GHR: variants seen among roughly 807,000 people sequenced by gnomAD.
The protein encoded by GHR is growth hormone receptor.
A neutral mutation model predicts 67.1 loss-of-function variants in GHR; 35 were observed. That is an observed-to-expected ratio of 0.52 (90% CI 0.40 to 0.69). The LOEUF is 0.69. Among genes scored for constraint, GHR ranks in the 30% least tolerant of loss-of-function variants. The probability of loss-of-function intolerance (pLI) is 0.00; values close to 1 mark genes in which losing one functional copy is unlikely to be tolerated. For missense variants in GHR, 792 were observed against 764.6 expected (o/e 1.04, Z -0.42); for synonymous variants, 272 against 269.1 (o/e 1.01, Z -0.10).
intron 7 of GHR, 87 bp downstream of exon 7, chr5:42,711,459 T>C (rs1561249352): frequency 2.2e-6 from 2 of 911,550 alleles, no homozygotes; most frequent in Admixed American, 1.7e-5. Flanking sequence ...TAGTGTGTTG[T>C]CCAAATCAAA....
intron 3 of GHR, among the ~76,000 whole-genome samples, chr5:42,661,160 A>G (rs1755593052): frequency 6.6e-6 from 1 of 152,218 alleles, no homozygotes; most frequent in Non-Finnish European, 1.5e-5. Flanking sequence ...GGAGAATGGA[A>G]CCAAGTTGGA....
intron 1 of GHR, among the ~76,000 whole-genome samples, chr5:42,479,091 T>G (rs974840998): frequency 6.6e-6 from 1 of 152,218 alleles, no homozygotes; most frequent in African/African-American, 2.4e-5. Flanking sequence ...GTTTTTAGCA[T>G]GAAGCATTGT....
intron 1 of GHR, among the ~76,000 whole-genome samples, chr5:42,434,686 A>C (rs138719236): frequency 3.9e-5 from 6 of 152,290 alleles, no homozygotes; most frequent in African/African-American, 1.4e-4. Flanking sequence ...TGCCATTTTT[A>C]TAGAAGGATG....
chr5:42,572,390 A>G (rs751152725), intron 2 of GHR, among the ~76,000 whole-genome samples: 1 of 152,178 alleles, frequency 6.6e-6, no homozygotes, highest in Non-Finnish European at 1.5e-5. Flanking sequence ...ACTCACATGG[A>G]TTGTTAAATA....
At chr5:42,503,459 T>A (rs1041465996) in intron 1 of GHR, among the ~76,000 whole-genome samples, 2 of 152,200 alleles carry the variant, frequency 1.3e-5, no homozygotes, top group Admixed American at 6.5e-5. Context: ...ATGTGATATT[T>A]TTACCTAAAC....
At chr5:42,538,620 T>A (rs1419905294) in intron 1 of GHR, among the ~76,000 whole-genome samples, 1 of 152,200 alleles carries the variant, frequency 6.6e-6, no homozygotes, top group South Asian at 2.1e-4. Context: ...CTTTCTTTTG[T>A]CTTAACTTTA....
intron 3 of GHR, among the ~76,000 whole-genome samples, chr5:42,644,010 G>A (rs534668519): frequency 5.9e-5 from 9 of 152,010 alleles, no homozygotes; most frequent in African/African-American, 1.9e-4. Flanking sequence ...TTAAAAGTAG[G>A]CATATTCTAG....
At position 42,676,938 on chromosome 5, in the gene GHR, A is replaced by G. The variant is rs1325893149; in HGVS notation, c.137-11952A>G. On this transcript the variant is annotated intron_variant, in intron 3 of 9. Coordinates refer to ENST00000230882, the MANE Select transcript of GHR (RefSeq NM_000163.5). ...TTCCTTCCTCTCAACCTAAGTGTTT[A>G]TGTAAGCCTGCTGGGGGCCAGGAAC... 2.0e-5 allele frequency among the ~76,000 whole-genome samples: 3 copies of G among 152,132 alleles called. No homozygotes were observed. In the East Asian group the frequency reaches 5.8e-4, roughly 29 times the overall value.
At chr5:42,467,914 A>G in intron 1 of GHR, 3 of 751,190 alleles carry the variant, frequency 4.0e-6, no homozygotes, top group Non-Finnish European at 6.9e-6. Context: ...TGAAGCTTTC[A>G]GGTAAGTGAC....
intron 1 of GHR, among the ~76,000 whole-genome samples, chr5:42,478,746 CTT>C (rs1306878669): frequency 1.3e-5 from 2 of 152,146 alleles, no homozygotes; most frequent in African/African-American, 4.8e-5. Context: ...TATCCTGAGA[CTT>C]TGCTGAAGTT....
chr5:42,650,165 G>A (rs1340275563), intron 3 of GHR, among the ~76,000 whole-genome samples: 2 of 152,040 alleles, frequency 1.3e-5, no homozygotes, highest in African/African-American at 4.8e-5. Flanking sequence ...AATCTACTGA[G>A]GGCTCTTGTC....
At chr5:42,650,219 G>A (rs922901744) in intron 3 of GHR, among the ~76,000 whole-genome samples, 1 of 152,082 alleles carries the variant, frequency 6.6e-6, no homozygotes, top group Admixed American at 6.6e-5. Context: ...TCACATAAGA[G>A]GGCACATAAA....
chr5:42,465,617 G>GT (rs1744692415), intron 1 of GHR: 1 of 1,022,126 alleles, frequency 9.8e-7, no homozygotes, highest in African/African-American at 1.7e-5. Flanking sequence ...GGGGGACTCT[G>GT]TTAATTCATC....
At position 42,605,090 on chromosome 5, in the gene GHR, CTTTTTTTTTTTTTTTT is replaced by C. The variant is rs57499086; in HGVS notation, c.71-23939_71-23924del. ...ACTTGACCAGAGATTTGTGGTGCCT[CTTTTTTTTTTTTTTTT>C]TTTTTTTTGAGACAGAGTTTCACTC... On this transcript the variant is annotated intron_variant, in intron 2 of 9. Coordinates refer to ENST00000230882, the MANE Select transcript of GHR (RefSeq NM_000163.5). Among the ~76,000 whole-genome samples the C allele has an allele frequency of 1.4e-4, 13 of 90,078 alleles. No homozygotes were observed. The East Asian group carries it at 2.3e-3, about 16-fold the overall frequency. The allele number at this position is 90,078 out of a possible 152,430, so 59.1% of individuals were successfully genotyped here. A position where few individuals can be genotyped will look rare whatever the true frequency, so the allele number is the denominator to read the frequency against.
At chr5:42,698,219 A>T (rs1405767717) in intron 5 of GHR, among the ~76,000 whole-genome samples, 3 of 152,172 alleles carry the variant, frequency 2.0e-5, no homozygotes, top group South Asian at 2.1e-4. Context: ...AGGAGAGGTC[A>T]TTATTATGCC....
chr5:42,703,811 G>A lies in GHR; in HGVS notation c.618+3809G>A, dbSNP rs151178650. ...TTATTTTTATTTTTATAGATATTGT[G>A]AAAGGGATTTCTTTATTTCTTTCTC... On this transcript the variant is annotated intron_variant, in intron 6 of 9. Coordinates refer to ENST00000230882, the MANE Select transcript of GHR (RefSeq NM_000163.5). Among the ~76,000 whole-genome samples, 131 of 151,826 alleles carry A rather than the reference G, an allele frequency of 8.6e-4. 4 individuals carry two copies. Among genetic ancestry groups the A allele is most frequent in the African/African-American group, 3.1e-3 (129 of 41,492 alleles).
intron 1 of GHR, chr5:42,465,351 C>T (rs1744679264): frequency 2.4e-6 from 2 of 825,302 alleles, no homozygotes; most frequent in Non-Finnish European, 2.0e-6. Context: ...TTATTACCCA[C>T]CAGTAAGAGA....
intron 2 of GHR, among the ~76,000 whole-genome samples, chr5:42,625,341 T>TAA (rs5867596): frequency 9.9e-5 from 15 of 151,004 alleles, no homozygotes; most frequent in African/African-American, 2.7e-4. Flanking sequence ...TGAGAGTATG[T>TAA]AAAAAAAAAA....
intron 3 of GHR, among the ~76,000 whole-genome samples, chr5:42,653,440 G>T (rs1755103787): frequency 1.3e-5 from 2 of 151,998 alleles, no homozygotes; most frequent in Non-Finnish European, 2.9e-5. Flanking sequence ...GCTCATCCGG[G>T]CCCTAGTCAT....
Sources: allele counts gnomAD v4.1 joint callset (sites outside exome capture counted in the v4.1 genomes callset), GRCh38; gene constraint gnomAD v4.1.1; transcripts MANE v1.5; gene names NCBI Gene and HGNC (gene_info 2026-07-23, HGNC 2026-07-21).